PLCB4: variants seen among roughly 807,000 people sequenced by gnomAD.
PLCB4 encodes 1-phosphatidylinositol 4,5-bisphosphate phosphodiesterase beta-4.
PLCB4 carries 77 observed loss-of-function variants against 178.8 expected under a neutral mutation model. The ratio of observed to expected loss-of-function variants is 0.43; its 90% CI spans 0.36 to 0.52. The LOEUF (loss-of-function observed/expected upper bound fraction) is 0.52. Ranked by LOEUF, PLCB4 falls within the 20% of genes least tolerant of loss-of-function variation. The probability of loss-of-function intolerance (pLI) is 0.00; values close to 1 mark genes in which losing one functional copy is unlikely to be tolerated. For synonymous variants in PLCB4, 496 were observed against 490.8 expected (o/e 1.01, Z -0.14); for missense variants, 1,024 against 1,453.4 (o/e 0.70, Z 4.80).
chr20:9,348,766 G>A (rs891308367), intron 7 of PLCB4, among the ~76,000 whole-genome samples: 4 of 152,224 alleles, frequency 2.6e-5, no homozygotes, highest in Admixed American at 1.3e-4. Context: ...TCAGGAACAT[G>A]CAGCTGAAGC....
intron 3 of PLCB4, among the ~76,000 whole-genome samples, chr20:9,281,177 G>A (rs930424429): frequency 1.4e-4 from 22 of 151,878 alleles, no homozygotes; most frequent in Non-Finnish European, 5.9e-5. Flanking sequence ...TCACCATTTA[G>A]TATCTTTGTG....
At chr20:9,388,242 A>G (rs2037844624) in intron 15 of PLCB4, among the ~76,000 whole-genome samples, 1 of 152,254 alleles carries the variant, frequency 6.6e-6, no homozygotes, top group Admixed American at 6.5e-5. Flanking sequence ...CCATCTCAAT[A>G]AATAAATAAG....
At chr20:9,384,953 C>CCGCCTT (rs1236806489) in intron 14 of PLCB4, among the ~76,000 whole-genome samples, 1 of 152,144 alleles carries the variant, frequency 6.6e-6, no homozygotes, top group Non-Finnish European at 1.5e-5. Context: ...GAGGTCCCTG[C>CCGCCTT]CGCCTTCGGC....
rs565009594 is a variant in PLCB4 at position 9,339,570 on chromosome 20, G to A, written c.369+533G>A. Among the ~76,000 whole-genome samples, 32 of 152,210 alleles carry A rather than the reference G, an allele frequency of 2.1e-4. No homozygotes were observed. In the South Asian group the frequency reaches 6.2e-3, roughly 30 times the overall value. On this transcript the variant is annotated intron_variant, in intron 7 of 39. Coordinates refer to ENST00000378473, the MANE Select transcript of PLCB4 (RefSeq NM_001377142.1). The stretch of plus-strand genomic sequence containing the variant: ...ATAAAATATTTTATTTAACCCAGTA[G>A]ACCTAAAATATTGTCATTTTAATAG...
At chr20:9,087,085 G>A (rs1272264268) in intron 1 of PLCB4, among the ~76,000 whole-genome samples, 1 of 152,084 alleles carries the variant, frequency 6.6e-6, no homozygotes, top group African/African-American at 2.4e-5. Flanking sequence ...TCTCTTTGTA[G>A]AGAGCATATA....
At chr20:9,476,899 G>T in intron 39 of PLCB4, 146 bp downstream of exon 39, 2 of 589,604 alleles carry the variant, frequency 3.4e-6, no homozygotes, top group Non-Finnish European at 6.1e-6. Context: ...TTCCATGCTT[G>T]GATTTCTGAT....
intron 7 of PLCB4, among the ~76,000 whole-genome samples, chr20:9,358,511 C>A (rs2035034054): frequency 6.6e-6 from 1 of 152,114 alleles, no homozygotes; most frequent in South Asian, 2.1e-4. Flanking sequence ...AAGATTGGAA[C>A]CCTAAGATTG....
At position 9,230,235 on chromosome 20, in the gene PLCB4, A is replaced by G. The variant is rs577123951; in HGVS notation, c.-16+12783A>G. ...GATTTGGGCCCACCCCAACAGCCTT[A>G]TTCTAACTTAATAACCTCTTTAAAG... On this transcript the variant is annotated intron_variant, in intron 3 of 39. Transcript: ENST00000378473. Among the ~76,000 whole-genome samples, 102 of 152,294 alleles carry G rather than the reference A, an allele frequency of 6.7e-4. 2 individuals carry two copies. Among genetic ancestry groups the G allele is most frequent in the African/African-American group, 2.3e-3 (96 of 41,578 alleles).
chr20:9,085,984 G>C (rs542399636), intron 1 of PLCB4, among the ~76,000 whole-genome samples: 1 of 152,136 alleles, frequency 6.6e-6, no homozygotes, highest in East Asian at 1.9e-4. Flanking sequence ...TGGAATGGCT[G>C]TTTCTTCCTT....
In PLCB4 at chr20:9,192,018, G is replaced by T. The variant is rs185043077; in HGVS notation, c.-78-25372G>T. ...ACCACCAGACCACTGAGTGATTAAC[G>T]TGAATGGATTTTCTTGAAATAGATC... is the stretch of plus-strand genomic sequence containing the variant. On this transcript the variant is annotated intron_variant, in intron 2 of 39. Transcript: ENST00000378473. Among the ~76,000 whole-genome samples, 82 of 151,974 alleles carry T rather than the reference G, an allele frequency of 5.4e-4. No individual in the cohort carries two copies. In the East Asian group the frequency reaches 0.015, roughly 29 times the overall value.
At chr20:9,318,066 C>T (rs1456692494) in intron 4 of PLCB4, among the ~76,000 whole-genome samples, 1 of 152,110 alleles carries the variant, frequency 6.6e-6, no homozygotes, top group Non-Finnish European at 1.5e-5. Context: ...AGAAGAATCA[C>T]TTGAACCCTG....
intron 2 of PLCB4, among the ~76,000 whole-genome samples, chr20:9,163,844 C>T (rs113979312): frequency 1.6e-3 from 236 of 151,970 alleles, no homozygotes; most frequent in African/African-American, 5.2e-3. Context: ...TTGCAAACAT[C>T]AGAACAAAAG....
chr20:9,476,612 G>T, intron 38 of PLCB4, 105 bp from the exon 39 acceptor site: 1 of 790,812 alleles, frequency 1.3e-6, no homozygotes, highest in South Asian at 1.5e-5. Flanking sequence ...TTGCTTTTCT[G>T]TATATGGTTT....
At chr20:9,322,362 G>A (rs1373680203) in intron 4 of PLCB4, among the ~76,000 whole-genome samples, 1 of 152,116 alleles carries the variant, frequency 6.6e-6, no homozygotes, top group Non-Finnish European at 1.5e-5. Context: ...ATAAAATATT[G>A]TCAGCGAGAA....
At chr20:9,448,829 G>A (rs1312950943) in intron 32 of PLCB4, among the ~76,000 whole-genome samples, 2 of 152,102 alleles carry the variant, frequency 1.3e-5, no homozygotes, top group Non-Finnish European at 2.9e-5. Context: ...ATGGTCCCAA[G>A]GAGAGCTTAT....
At chr20:9,398,580 T>C (rs561522360) in intron 19 of PLCB4, among the ~76,000 whole-genome samples, 29 of 152,050 alleles carry the variant, frequency 1.9e-4, no homozygotes, top group Admixed American at 4.6e-4. Context: ...ATGGAATAAA[T>C]TAACAAGAAA....
intron 4 of PLCB4, among the ~76,000 whole-genome samples, chr20:9,311,410 C>T (rs1360170904): frequency 6.6e-6 from 1 of 152,140 alleles, no homozygotes; most frequent in African/African-American, 2.4e-5. Context: ...GCATCATACA[C>T]CACACCAAGA....
intron 2 of PLCB4, among the ~76,000 whole-genome samples, chr20:9,165,352 TAGAGATAGTA>T (rs2092952291): frequency 6.6e-6 from 1 of 152,226 alleles, no homozygotes; most frequent in Non-Finnish European, 1.5e-5. Flanking sequence ...CTGTAATTTT[TAGAGATAGTA>T]GTACAAGTTG....
intron 21 of PLCB4, among the ~76,000 whole-genome samples, chr20:9,407,679 A>G (rs1331695248): frequency 6.6e-6 from 1 of 152,200 alleles, no homozygotes; most frequent in Non-Finnish European, 1.5e-5. Context: ...TTAAAAATCT[A>G]AAAATGTCCT....
Sources: gnomAD v4.1 joint callset for allele counts (sites outside exome capture counted in the v4.1 genomes callset) on GRCh38, gnomAD v4.1.1 for gene constraint, MANE v1.5 for transcripts, NCBI Gene and HGNC (gene_info 2026-07-23, HGNC 2026-07-21) for gene names.